CNTRL: variants seen among roughly 807,000 people sequenced by gnomAD.
The protein encoded by CNTRL is centriolin.
In CNTRL, 233 loss-of-function variants were observed where a neutral mutation model predicts 303.7. The ratio of observed to expected loss-of-function variants is 0.77; its 90% CI spans 0.69 to 0.86. CNTRL has a LOEUF of 0.86. Among genes scored for constraint, CNTRL ranks in the 40% least tolerant of loss-of-function variants. CNTRL has a pLI of 0.00. For synonymous variants in CNTRL, 900 were observed against 922.2 expected (o/e 0.98, Z 0.44); for missense variants, 2,524 against 2,650.6 (o/e 0.95, Z 1.05).
chr9:121,174,539 T>C (rs955955796), intron 42 of CNTRL, among the ~76,000 whole-genome samples: 4 of 152,222 alleles, frequency 2.6e-5, no homozygotes, highest in African/African-American at 9.6e-5. Flanking sequence ...AGCGCTGCTA[T>C]AGACTTTGAG....
At position 121,162,173 on chromosome 9, in the gene CNTRL, C is replaced by G; in HGVS notation, c.5325C>G (p.Ser1775=). The G allele has an allele frequency of 1.9e-6, 3 of 1,614,016 alleles. No individual in the cohort carries two copies. The highest frequency in any genetic ancestry group is 2.5e-6 in the Non-Finnish European group (3 of 1,179,990). The change falls in exon 34 of 44, where the codon TCC becomes TCG. Residue 1775 remains serine, a synonymous_variant. Transcript: ENST00000373855. ...KREIERMTAE[S]RALQSCVECL... is the part of the protein sequence containing the mutation. The stretch of plus-strand genomic sequence containing the variant: ...AAATAGAACGAATGACTGCTGAGTC[C>G]CGAGCTTTACAATCGTGTGTTGAGT...
intron 8 of CNTRL, among the ~76,000 whole-genome samples, chr9:121,112,208 A>T (rs1237179141): frequency 1.3e-5 from 2 of 152,220 alleles, no homozygotes; most frequent in Non-Finnish European, 2.9e-5. Context: ...TTTTAAAATC[A>T]TTATTCATTA....
chr9:121,144,901 C>T lies in CNTRL; in HGVS notation c.3110C>T (p.Thr1037Ile), dbSNP rs966595248. The T allele has an allele frequency of 1.2e-6, 2 of 1,613,330 alleles. No homozygotes were observed. The highest frequency in any genetic ancestry group is 1.7e-6 in the Non-Finnish European group (2 of 1,179,936). ...GCAGCACAAGCAGCCAGAGATCTCA[C>T]CCGAGCAGAAGCTGAGATCGAACTC... ...RKAAQAARDL[T>I]RAEAEIELLQ... Residue 1037 changes from threonine (T) to isoleucine (I), a missense_variant, in exon 21 of 44, where the codon ACC (threonine) becomes ATC (isoleucine). Physicochemically the swap from Thr to Ile is moderately conservative, Grantham distance 89. Transcript: ENST00000373855.
intron 1 of CNTRL, 69 bp downstream of exon 1, chr9:121,075,136 G>A: frequency 2.8e-6 from 1 of 355,670 alleles, no homozygotes; most frequent in South Asian, 2.1e-5. Context: ...GGCGGCAAAG[G>A]CGGGAAGGCC....
chr9:121,093,050 C>G (rs2900184), intron 4 of CNTRL, among the ~76,000 whole-genome samples: 151,104 of 151,104 alleles, frequency 1, 75,552 homozygotes, highest in Non-Finnish European at 1. Flanking sequence ...CTTGTGATCT[C>G]CCCTCCTCGG....
At chr9:121,121,759 G>A (rs1335741383) in intron 12 of CNTRL, 2 of 985,112 alleles carry the variant, frequency 2.0e-6, no homozygotes, top group African/African-American at 3.5e-5. Flanking sequence ...GGATGGGCGG[G>A]GCCGCCGCTC....
intron 35 of CNTRL, 57 bp downstream of exon 35, chr9:121,165,157 T>A (rs1299283201): frequency 6.8e-7 from 1 of 1,460,204 alleles, no homozygotes; most frequent in Non-Finnish European, 9.2e-7. Context: ...GTTAGATTCT[T>A]TGATTTTTCT....
chr9:121,079,643 AT>A (rs1367328379), intron 1 of CNTRL, among the ~76,000 whole-genome samples: 2 of 152,172 alleles, frequency 1.3e-5, no homozygotes, highest in Non-Finnish European at 2.9e-5. Context: ...ATATTTAAAT[AT>A]TTCAGATTTT....
rs754623857 is a variant in CNTRL, at chr9:121,145,249, A to G, written c.3174A>G (p.Arg1058=). The G allele has an allele frequency of 3.1e-6, 5 of 1,602,692 alleles. No individual in the cohort carries two copies. The South Asian group carries it at 3.4e-5, about 11-fold the overall frequency. ...NLLRQKGEQF[R]LEMEKTGVGT... ...TGTGTAATTTTTTTAAATAGTTTCG[A>G]CTTGAGATGGAGAAAACAGGTGTAG... Residue 1058 remains arginine (R), a synonymous_variant, in exon 22 of 44, where the codon CGA becomes CGG. Transcript: ENST00000373855.
chr9:121,115,791 A>G (rs1431829957), intron 11 of CNTRL, among the ~76,000 whole-genome samples: 1 of 152,230 alleles, frequency 6.6e-6, no homozygotes, highest in African/African-American at 2.4e-5. Flanking sequence ...AAAAATCAGT[A>G]TTTAAAAATT....
At chr9:121,125,974 A>G in intron 14 of CNTRL, 38 bp downstream of exon 14, 2 of 1,538,122 alleles carry the variant, frequency 1.3e-6, no homozygotes, top group Non-Finnish European at 1.8e-6. Flanking sequence ...GTAGCTTCAT[A>G]AGTAGATAAT....
intron 39 of CNTRL, among the ~76,000 whole-genome samples, chr9:121,170,042 G>A (rs2053241459): frequency 6.6e-6 from 1 of 152,184 alleles, no homozygotes; most frequent in South Asian, 2.1e-4. Flanking sequence ...GAGACTGTTG[G>A]TGTGAACAGC....
intron 35 of CNTRL, 65 bp from the exon 36 acceptor site, chr9:121,166,042 C>T: frequency 8.1e-7 from 1 of 1,241,090 alleles, no homozygotes; most frequent in Non-Finnish European, 1.2e-6. Context: ...TTTGGGAATG[C>T]TAATGGGAAT....
chr9:121,128,106 T>C (rs1404916727), intron 14 of CNTRL, among the ~76,000 whole-genome samples: 24 of 152,156 alleles, frequency 1.6e-4, no homozygotes, highest in Non-Finnish European at 2.9e-5. Flanking sequence ...AATAAACACA[T>C]GTGTGCATGT....
At chr9:121,152,427 A>G in intron 25 of CNTRL, 58 bp from the exon 26 acceptor site, 1 of 1,402,840 alleles carries the variant, frequency 7.1e-7, no homozygotes, top group East Asian at 2.3e-5. Context: ...TTTGGCAGGA[A>G]AGAGAGGAAA....
chr9:121,151,937 T>A (rs1481583350), intron 25 of CNTRL: 1 of 154,598 alleles, frequency 6.5e-6, no homozygotes, highest in Non-Finnish European at 1.4e-5. Flanking sequence ...TTCTTGCACA[T>A]TGTAATTTGT....
chr9:121,160,754 A>G (rs2052807297), intron 32 of CNTRL, among the ~76,000 whole-genome samples: 1 of 152,182 alleles, frequency 6.6e-6, no homozygotes, highest in African/African-American at 2.4e-5. Context: ...CTGAGGCAAG[A>G]GGATTGCTTG....
rs150161549 is a variant in CNTRL, at chr9:121,168,080, A to G, written c.5845-16A>G. 1.0e-3 allele frequency: 1,595 copies of G among 1,600,086 alleles called. 9 individuals are homozygous for G. In the African/African-American group the frequency reaches 0.019, roughly 19 times the overall value. On this transcript the variant is annotated splice_polypyrimidine_tract_variant and intron_variant, in intron 37 of 43. Transcript: ENST00000373855. ...ATTTGTTGTTTAATGACTAATCAAG[A>G]TTATTCTTTATTAAGATGTTTCAGA...
chr9:121,108,062 C>G, intron 8 of CNTRL, 67 bp downstream of exon 8: 1 of 1,078,906 alleles, frequency 9.3e-7, no homozygotes, highest in Non-Finnish European at 1.3e-6. Context: ...GCCCTTGGGT[C>G]TAAAAATACA....
Sources: gnomAD v4.1 joint callset for allele counts (sites outside exome capture counted in the v4.1 genomes callset) on GRCh38, gnomAD v4.1.1 for gene constraint, MANE v1.5 for transcripts, NCBI Gene and HGNC (gene_info 2026-07-23, HGNC 2026-07-21) for gene names.